Variants in PDCD6 observed in about 807,000 individuals in gnomAD.
PDCD6 encodes the protein programmed cell death protein 6.
Under a neutral mutation model 28.3 loss-of-function variants are expected in PDCD6, and 12 were observed. The ratio of observed to expected loss-of-function variants is 0.42; its 90% CI spans 0.27 to 0.69. PDCD6 has a LOEUF of 0.69. Ranked by LOEUF, PDCD6 falls within the 30% of genes least tolerant of loss-of-function variation. PDCD6 has a pLI of 0.22. For missense variants in PDCD6, 226 were observed against 269.9 expected, an observed-to-expected ratio of 0.84 and a Z score of 1.14; for synonymous variants, 92 against 108.0, an observed-to-expected ratio of 0.85 and a Z score of 0.92.
At chr5:296,523 T>C (rs959933528) in intron 2 of PDCD6, among the ~76,000 whole-genome samples, 6 of 152,232 alleles carry the variant, frequency 3.9e-5, no homozygotes, top group Non-Finnish European at 7.3e-5. Flanking sequence ...AGTCAGCCAG[T>C]GCAAGGCGAG....
intron 4 of PDCD6, chr5:311,053 C>T (rs1740881590): frequency 2.2e-6 from 1 of 462,228 alleles, no homozygotes; most frequent in South Asian, 2.5e-5. Flanking sequence ...CTCACTCCTC[C>T]TTCCGGGGTC....
intron 2 of PDCD6, among the ~76,000 whole-genome samples, chr5:277,754 A>G (rs1458644100): frequency 6.6e-6 from 1 of 151,996 alleles, no homozygotes; most frequent in Non-Finnish European, 1.5e-5. Context: ...TATCTCTACT[A>G]AAAATACAAA....
At chr5:285,650 C>G (rs187479963) in intron 2 of PDCD6, among the ~76,000 whole-genome samples, 1 of 129,408 alleles carries the variant, frequency 7.7e-6, no homozygotes, top group Non-Finnish European at 1.7e-5. Context: ...GTGCAGCTGG[C>G]GACCCGGGTG....
chr5:297,012 C>G (rs1408829740), intron 2 of PDCD6, among the ~76,000 whole-genome samples: 1 of 152,212 alleles, frequency 6.6e-6, no homozygotes, highest in Admixed American at 6.5e-5. Context: ...TCACCTGCAT[C>G]CGCACAAGTG....
intron 2 of PDCD6, among the ~76,000 whole-genome samples, chr5:281,162 A>T (rs958451273): frequency 6.6e-6 from 1 of 152,278 alleles, no homozygotes; most frequent in African/African-American, 2.4e-5. Context: ...GCTAATGGAA[A>T]GTAGAAAAGT....
At chr5:283,416 A>G (rs1738716679) in intron 2 of PDCD6, among the ~76,000 whole-genome samples, 1 of 152,074 alleles carries the variant, frequency 6.6e-6, no homozygotes, top group African/African-American at 2.4e-5. Flanking sequence ...CCCAGAGAGG[A>G]GCTGATGTTC....
intron 5 of PDCD6, among the ~76,000 whole-genome samples, chr5:312,579 C>T (rs966788645): frequency 6.6e-6 from 1 of 152,010 alleles, no homozygotes; most frequent in African/African-American, 2.4e-5. Context: ...GGTTGGGGAC[C>T]CTTTCCTGCC....
At chr5:287,330 G>A (rs942620492) in intron 2 of PDCD6, among the ~76,000 whole-genome samples, 1 of 151,428 alleles carries the variant, frequency 6.6e-6, no homozygotes, top group Non-Finnish European at 1.5e-5. Flanking sequence ...GGGAAGTAGA[G>A]AGAGAGAGTT....
At chr5:275,756 C>A (rs188197227) in intron 2 of PDCD6, among the ~76,000 whole-genome samples, 1 of 152,218 alleles carries the variant, frequency 6.6e-6, no homozygotes, top group Non-Finnish European at 1.5e-5. Context: ...GCTCCCTTTC[C>A]GGGTTACCTG....
chr5:283,111 G>A (rs1211222552), intron 2 of PDCD6, among the ~76,000 whole-genome samples: 1 of 151,820 alleles, frequency 6.6e-6, no homozygotes, highest in Admixed American at 6.6e-5. Flanking sequence ...TGAGGATCTC[G>A]TAGCTGCAGA....
chr5:301,689 T>C (rs1018973695), intron 2 of PDCD6, among the ~76,000 whole-genome samples: 6 of 150,118 alleles, frequency 4.0e-5, no homozygotes, highest in Non-Finnish European at 8.9e-5. Flanking sequence ...CGAGTGCTGC[T>C]GTGTGTGTGG....
rs1740580496 is a variant in PDCD6 at position 307,298 on chromosome 5, CGTT to C, written c.367+539_367+541del. Among the ~76,000 whole-genome samples, 1 of 109,940 alleles carries C rather than the reference CGTT, an allele frequency of 9.1e-6. No individual in the cohort carries two copies. The highest frequency in any genetic ancestry group is 1.8e-5 in the Non-Finnish European group (1 of 54,874). The allele number at this position is 109,940 out of a possible 152,430, so 72.1% of individuals were successfully genotyped here. ...CGTGTGCCGTGCGCCTCAGAAGGGG[CGTT>C]AGGCAGAACGCGTGCCCATTCTCAG... On this transcript the variant is annotated intron_variant, in intron 4 of 5. Transcript: ENST00000264933. This position sits in a 1 kb window ranked among gnomAD's most constrained non-coding sequence, Gnocchi z 6.1.
intron 2 of PDCD6, among the ~76,000 whole-genome samples, chr5:303,312 A>C (rs1454673730): frequency 6.6e-6 from 1 of 150,476 alleles, no homozygotes; most frequent in Non-Finnish European, 1.5e-5. Context: ...AAAAAAAAAA[A>C]CTGTGTGTCT....
chr5:302,491 CTGTGTG>C (rs111715060), intron 2 of PDCD6, among the ~76,000 whole-genome samples: 2 of 53,364 alleles, frequency 3.7e-5, no homozygotes, highest in East Asian at 5.0e-4. Flanking sequence ...AGTGCTGCTG[CTGTGTG>C]TGTGTGTGTG....
chr5:294,400 C>A (rs77319562), intron 2 of PDCD6, among the ~76,000 whole-genome samples: 35,047 of 147,606 alleles, frequency 0.24, 5,793 homozygotes, highest in African/African-American at 0.51. Flanking sequence ...GATATTGGAA[C>A]AGAGGCCTCA....
chr5:276,977 T>C, intron 2 of PDCD6: 1 of 980,048 alleles, frequency 1.0e-6, no homozygotes, highest in Non-Finnish European at 1.2e-6. Flanking sequence ...TTTGGGGTTT[T>C]TTTAACATTC....
intron 2 of PDCD6, among the ~76,000 whole-genome samples, chr5:297,875 A>G (rs781648471): frequency 6.6e-6 from 1 of 152,216 alleles, no homozygotes. Context: ...TTTGTCACAT[A>G]GCAATAGGGA....
chr5:278,517 C>T (rs1052319523), intron 2 of PDCD6, among the ~76,000 whole-genome samples: 2 of 148,712 alleles, frequency 1.3e-5, no homozygotes, highest in Admixed American at 6.7e-5. Flanking sequence ...TGAGACCAGC[C>T]TGGGCAACAT....
At chr5:287,361 G>T (rs1561036785) in intron 2 of PDCD6, among the ~76,000 whole-genome samples, 1 of 152,138 alleles carries the variant, frequency 6.6e-6, no homozygotes, top group African/African-American at 2.4e-5. Flanking sequence ...ACTTGAAACT[G>T]TACATGTAGC....
Sources: allele counts gnomAD v4.1 joint callset (sites outside exome capture counted in the v4.1 genomes callset), GRCh38; gene constraint gnomAD v4.1.1; non-coding constraint Gnocchi (gnomAD v3.1); transcripts MANE v1.5; gene names NCBI Gene and HGNC (gene_info 2026-07-23, HGNC 2026-07-21).